MAEA: variants seen among roughly 807,000 people sequenced by gnomAD.
MAEA encodes macrophage erythroblast attacher, E3 ubiquitin ligase.
Under a neutral mutation model 46.2 loss-of-function variants are expected in MAEA, and 22 were observed. That is an observed-to-expected ratio of 0.48 (90% confidence interval 0.34 to 0.68). The LOEUF (loss-of-function observed/expected upper bound fraction) is 0.68. Among genes scored for constraint, MAEA ranks in the 30% least tolerant of loss-of-function variants. MAEA has a pLI of 0.01. For missense variants in MAEA, 393 were observed against 558.1 expected (o/e 0.70, Z 2.98); for synonymous variants, 246 against 222.6 (o/e 1.11, Z -0.94).
At chr4:1,314,393 GA>G (rs34792793) in intron 2 of MAEA, among the ~76,000 whole-genome samples, 51,802 of 151,898 alleles carry the variant, frequency 0.34, 10,599 homozygotes, top group Non-Finnish European at 0.46. Flanking sequence ...AACCAAAAAT[GA>G]AAAACTCAAC....
At chr4:1,309,472 G>A in intron 1 of MAEA, 1 of 1,318,198 alleles carries the variant, frequency 7.6e-7, no homozygotes, top group Non-Finnish European at 9.7e-7. Flanking sequence ...GCGTGGATGT[G>A]GGGAGGAGCT....
chr4:1,316,630 C>T (rs1276171781), intron 3 of MAEA, among the ~76,000 whole-genome samples: 1 of 152,228 alleles, frequency 6.6e-6, no homozygotes, highest in African/African-American at 2.4e-5. Flanking sequence ...CTCCCTGCTT[C>T]TGTCTAACCA....
intron 3 of MAEA, 37 bp downstream of exon 3, chr4:1,315,637 T>C (rs770319854): frequency 1.2e-6 from 2 of 1,607,144 alleles, no homozygotes; most frequent in South Asian, 2.2e-5. Flanking sequence ...GCGCCCCAGC[T>C]GGCCCCAGGC....
chr4:1,328,948 C>T (rs777106943), intron 5 of MAEA: 13 of 991,502 alleles, frequency 1.3e-5, no homozygotes, highest in African/African-American at 8.7e-5. Context: ...TGCGGGGACA[C>T]GGCCAGGGGC....
chr4:1,335,238 A>C (rs950667884), intron 6 of MAEA: 2 of 985,396 alleles, frequency 2.0e-6, no homozygotes, highest in Non-Finnish European at 2.4e-6. Context: ...TCTCTGAAGT[A>C]AGAGTTTTTA....
chr4:1,309,461 G>T, intron 1 of MAEA: 1 of 1,315,940 alleles, frequency 7.6e-7, no homozygotes, highest in East Asian at 2.8e-5. Context: ...TCCTCTGGGG[G>T]GCGTGGATGT....
At chr4:1,298,131 C>A (rs1353152055) in intron 1 of MAEA, 1 of 453,382 alleles carries the variant, frequency 2.2e-6, no homozygotes, top group Admixed American at 2.4e-5. Flanking sequence ...GTTCCATATG[C>A]CCCTCCTTCT....
intron 1 of MAEA, among the ~76,000 whole-genome samples, chr4:1,308,550 G>A (rs1044380127): frequency 1.3e-5 from 2 of 152,238 alleles, no homozygotes; most frequent in South Asian, 4.1e-4. Flanking sequence ...CACTGCACGC[G>A]TGTCCCGCTG....
At chr4:1,307,985 T>C (rs1735996490) in intron 1 of MAEA, among the ~76,000 whole-genome samples, 1 of 143,390 alleles carries the variant, frequency 7.0e-6, no homozygotes, top group Non-Finnish European at 1.6e-5. Flanking sequence ...ATGCCTGAAA[T>C]GAACCATTAC....
chr4:1,298,148 GC>G, intron 1 of MAEA: 1 of 449,470 alleles, frequency 2.2e-6, no homozygotes, highest in Non-Finnish European at 4.5e-6. Flanking sequence ...TTCTCCATGA[GC>G]CCCCCATGCC....
intron 1 of MAEA, among the ~76,000 whole-genome samples, chr4:1,305,149 A>G (rs1004940840): frequency 2.0e-5 from 3 of 150,716 alleles, no homozygotes; most frequent in Non-Finnish European, 4.4e-5. Flanking sequence ...GTGGATCGTT[A>G]AGGTTTTCTT....
chr4:1,296,800 C>A (rs549655524), intron 1 of MAEA, among the ~76,000 whole-genome samples: 1 of 152,266 alleles, frequency 6.6e-6, no homozygotes, highest in South Asian at 2.1e-4. Context: ...ACAGCGGACC[C>A]CACTGCCTCG....
chr4:1,298,182 C>T (rs11723920), intron 1 of MAEA: 39,526 of 423,150 alleles, frequency 0.093, 4,327 homozygotes, highest in East Asian at 0.42. Context: ...GTGCTCTGCC[C>T]GCGGCTTGGC....
Position 1,318,249 on chromosome 4 carries a change from T to A in MAEA, c.456+2649T>A, listed in dbSNP as rs369344075. Reference sequence around the variant, plus strand: ...CACTGTCCTTGGGACCCATGGGGTGTGACCAAGCAACCTGGCGGTGGCTGC... The same window carrying A: ...CACTGTCCTTGGGACCCATGGGGTGAGACCAAGCAACCTGGCGGTGGCTGC... On this transcript the variant is annotated intron_variant, in intron 3 of 8. Transcript: ENST00000303400. Among the ~76,000 whole-genome samples the A allele has an allele frequency of 2.2e-4, 33 of 152,314 alleles. No homozygotes were observed. The South Asian group carries it at 4.6e-3, about 21-fold the overall frequency.
intron 1 of MAEA, among the ~76,000 whole-genome samples, chr4:1,290,965 G>C (rs1277982854): frequency 6.6e-6 from 1 of 152,188 alleles, no homozygotes; most frequent in African/African-American, 2.4e-5. Context: ...GTTTATTCTT[G>C]TCAGGTTTAA....
chr4:1,291,814 T>G (rs568122927), intron 1 of MAEA, among the ~76,000 whole-genome samples: 1 of 152,358 alleles, frequency 6.6e-6, no homozygotes, highest in African/African-American at 2.4e-5. Context: ...CCAGAGTGAT[T>G]GCATAGCTTC....
chr4:1,303,216 G>A (rs958393992), intron 1 of MAEA, among the ~76,000 whole-genome samples: 9 of 112,376 alleles, frequency 8.0e-5, no homozygotes, highest in South Asian at 3.0e-4. Context: ...GTGAAACCCC[G>A]TCTCTACTAA....
At chr4:1,327,845 A>G (rs1486283519) in intron 5 of MAEA, 142 bp downstream of exon 5, 5 of 652,060 alleles carry the variant, frequency 7.7e-6, no homozygotes, top group African/African-American at 5.5e-5. Flanking sequence ...CTGCCTGCTC[A>G]GGTGGCTGCT....
intron 3 of MAEA, among the ~76,000 whole-genome samples, chr4:1,316,296 G>A (rs1443321775): frequency 1.3e-5 from 2 of 152,160 alleles, no homozygotes; most frequent in African/African-American, 4.8e-5. Flanking sequence ...AGCTGGGGCG[G>A]CCTCTCTGCC....
Sources: allele counts gnomAD v4.1 joint callset (sites outside exome capture counted in the v4.1 genomes callset), GRCh38; gene constraint gnomAD v4.1.1; transcripts MANE v1.5; gene names NCBI Gene and HGNC (gene_info 2026-07-23, HGNC 2026-07-21).